The following FCN2 variants were observed in gnomAD, a reference collection of about 807,000 sequenced individuals.
The protein encoded by FCN2 is ficolin 2, also known as ficolin-2.
A neutral mutation model predicts 32.5 loss-of-function variants in FCN2; 31 were observed. The ratio of observed to expected loss-of-function variants is 0.96; its 90% CI spans 0.72 to 1.29. The LOEUF (loss-of-function observed/expected upper bound fraction) is 1.29, where lower values mean the gene tolerates loss of function less well. FCN2 is among the 50% of genes most tolerant of loss of function. The probability of loss-of-function intolerance (pLI) is 0.00; values close to 1 mark genes in which losing one functional copy is unlikely to be tolerated. For synonymous variants in FCN2, 181 were observed against 164.5 expected (o/e 1.10, Z -0.77); for missense variants, 412 against 406.5 (o/e 1.01, Z -0.12).
the FCN2 span, among the ~76,000 whole-genome samples, chr9:134,864,539 C>T: frequency 2.6e-5 from 4 of 152,264 alleles, no homozygotes; most frequent in Admixed American, 2.0e-4. Flanking sequence ...GTAAGAACCA[C>T]GGAGTTCCTT....
chr9:134,870,476 G>A, the FCN2 span, among the ~76,000 whole-genome samples: 5 of 152,100 alleles, frequency 3.3e-5, no homozygotes, highest in African/African-American at 9.7e-5. This position sits in a 1 kb window ranked among gnomAD's most constrained non-coding sequence, Gnocchi z 4.3. Context: ...GTTCAGCTGT[G>A]CCCCTCGGGG....
chr9:134,885,075 C>T (rs1186697418), intron 4 of FCN2, among the ~76,000 whole-genome samples, 164 bp from the exon 5 acceptor site: 1 of 152,222 alleles, frequency 6.6e-6, no homozygotes, highest in Non-Finnish European at 1.5e-5. Flanking sequence ...GCGGCCATCA[C>T]AGCTGCGTGG....
rs1321524532 is a variant in FCN2 at position 134,885,889 on chromosome 9, C to T, written c.551C>T (p.Thr184Ile). The change falls in exon 6 of 8, where the codon ACC (threonine) becomes ATC (isoleucine). Residue 184 changes from threonine (T) to isoleucine (I), a missense_variant. Thr to Ile is a moderately conservative substitution (Grantham distance 89, BLOSUM62 -1). Coordinates refer to ENST00000291744, the MANE Select transcript of FCN2 (RefSeq NM_004108.3). ...GGGAATGACAACATCCACGCCCTGA[C>T]CGCCCAGGGTAGGGCCGCTGCTGGG... Reference protein sequence around the residue: ...WLGNDNIHALTAQGTSELRVD... With the variant: ...WLGNDNIHALIAQGTSELRVD... 1.9e-6 allele frequency: 3 copies of T among 1,612,834 alleles called. No individual in the cohort carries two copies. In the African/African-American group the frequency reaches 4.0e-5, roughly 22 times the overall value.
At chr9:134,878,058 C>G (rs1466761096), upstream of FCN2, among the ~76,000 whole-genome samples, 1 of 152,142 alleles carries the variant, frequency 6.6e-6, no homozygotes, top group Non-Finnish European at 1.5e-5. Context: ...AGCCTCCCAG[C>G]CTACATCTTT....
chr9:134,887,055 A>T, intron 7 of FCN2, 113 bp from the exon 8 acceptor site: 1 of 1,260,906 alleles, frequency 7.9e-7, no homozygotes, highest in Non-Finnish European at 1.2e-6. Context: ...GCAGTGCACA[A>T]CCTGCCTAAC....
intron 3 of FCN2, among the ~76,000 whole-genome samples, chr9:134,884,434 T>G (rs960747335): frequency 6.6e-6 from 1 of 152,156 alleles, no homozygotes; most frequent in Admixed American, 6.5e-5. Context: ...CCTTGGGGCC[T>G]CAGGAGAAGC....
Position 134,883,282 on chromosome 9 carries a change from A to G in FCN2, c.215-20A>G. 6.2e-7 allele frequency: 1 copy of G among 1,605,760 alleles called. No individual in the cohort carries two copies. Among genetic ancestry groups the G allele is most frequent in the Non-Finnish European group, 8.5e-7 (1 of 1,172,564 alleles). The stretch of plus-strand genomic sequence containing the variant: ...TGGGCTGGGCAGTTTTCCTCAAGTC[A>G]GTGTCTTTGGAAATTGCAGGAGAAC... On this transcript the variant is annotated intron_variant, in intron 2 of 7. Transcript: ENST00000291744.
chr9:134,885,277 T>C lies in FCN2; in HGVS notation c.340T>C (p.Phe114Leu). 1.2e-6 allele frequency: 2 copies of C among 1,614,156 alleles called. No individual in the cohort carries two copies. The highest frequency in any genetic ancestry group is 8.5e-7 in the Non-Finnish European group (1 of 1,180,020). Residue 114 changes from phenylalanine (F) to leucine (L), a missense_variant, in exon 5 of 8, where the codon TTC becomes CTC. Physicochemically the swap from Phe to Leu is conservative, Grantham distance 22 (BLOSUM62 0). Coordinates refer to ENST00000291744, the MANE Select transcript of FCN2 (RefSeq NM_004108.3). ...TCKDLLDRGHFLSGWHTIYLP... is the reference protein window; with the variant it reads ...TCKDLLDRGHLLSGWHTIYLP... ...CAAGGACCTGCTAGACCGAGGGCAC[T>C]TCCTGAGCGGCTGGCACACCATCTA...
chr9:134,883,817 T>C (rs1218487140), intron 3 of FCN2, among the ~76,000 whole-genome samples: 7 of 85,532 alleles, frequency 8.2e-5, no homozygotes, highest in Non-Finnish European at 1.3e-4. Flanking sequence ...TTCTGATTAT[T>C]CGGGGAGGGA....
upstream of FCN2, among the ~76,000 whole-genome samples, chr9:134,878,008 A>G (rs1172012232): frequency 1.3e-5 from 2 of 152,138 alleles, no homozygotes; most frequent in Non-Finnish European, 2.9e-5. Flanking sequence ...GTCAGTGAAT[A>G]AAAAGCAGGC....
the FCN2 span, among the ~76,000 whole-genome samples, chr9:134,865,243 A>G: frequency 6.6e-6 from 1 of 152,084 alleles, no homozygotes; most frequent in Non-Finnish European, 1.5e-5. Flanking sequence ...TTCTGGGGGC[A>G]CTCAGGTGAT....
chr9:134,875,721 G>A, the FCN2 span, among the ~76,000 whole-genome samples: 1 of 152,116 alleles, frequency 6.6e-6, no homozygotes, highest in East Asian at 1.9e-4. Flanking sequence ...CAATGACAAG[G>A]GTTTGCAGTC....
chr9:134,884,661 G>T (rs1386531406), intron 3 of FCN2, 79 bp from the exon 4 acceptor site: 1 of 1,408,046 alleles, frequency 7.1e-7, no homozygotes, highest in African/African-American at 1.4e-5. Context: ...CCCAGAAAAT[G>T]GTGTCCGCGG....
intron 7 of FCN2, 21 bp downstream of exon 7, chr9:134,886,585 G>A: frequency 6.2e-7 from 1 of 1,613,176 alleles, no homozygotes; most frequent in Non-Finnish European, 8.5e-7. Flanking sequence ...GCTTGGGGCT[G>A]TGTGGCCTGG....
chr9:134,868,847 C>G, the FCN2 span, among the ~76,000 whole-genome samples: 3 of 152,238 alleles, frequency 2.0e-5, no homozygotes, highest in Admixed American at 2.0e-4. This position sits in a 1 kb window ranked among gnomAD's most constrained non-coding sequence, Gnocchi z 4.3. Context: ...GGATCAGATG[C>G]CCTAGGGCTG....
At chr9:134,871,998 A>G in the FCN2 span, among the ~76,000 whole-genome samples, 2 of 145,676 alleles carry the variant, frequency 1.4e-5, no homozygotes, top group Non-Finnish European at 3.0e-5. Flanking sequence ...CTGTCACTAT[A>G]GCTTATTTTC....
At position 134,885,781 on chromosome 9, in the gene FCN2, G is replaced by A. The variant is rs535621402; in HGVS notation, c.443G>A (p.Arg148Lys). Residue 148 changes from arginine (R) to lysine (K), a missense_variant, in exon 6 of 8, where the codon AGG (arginine) becomes AAG (lysine). Transcript: ENST00000291744. ...GCTTCTCCACAGGTTTTCCAGCGGAGGGTGGATGGCTCTGTGGACTTCTAC... is the reference window on the plus strand; with the variant it reads ...GCTTCTCCACAGGTTTTCCAGCGGAAGGTGGATGGCTCTGTGGACTTCTAC... ...DGGGWTVFQR[R>K]VDGSVDFYRD... The A allele has an allele frequency of 8.7e-6, 14 of 1,614,078 alleles. No individual in the cohort carries two copies. In the South Asian group the frequency reaches 1.5e-4, roughly 18 times the overall value.
At chr9:134,880,961 C>A (rs745605325) in intron 1 of FCN2, 40 bp downstream of exon 1, 1 of 1,468,084 alleles carries the variant, frequency 6.8e-7, no homozygotes, top group Non-Finnish European at 9.5e-7. Flanking sequence ...AACTTCTCGT[C>A]CCTGAAAGCT....
At chr9:134,883,045 A>G (rs1293913550) in intron 2 of FCN2, among the ~76,000 whole-genome samples, 1 of 152,024 alleles carries the variant, frequency 6.6e-6, no homozygotes, top group Non-Finnish European at 1.5e-5. Flanking sequence ...TTGGAAGGAA[A>G]AGAGCCGAGA....
Sources: allele counts gnomAD v4.1 joint callset (sites outside exome capture counted in the v4.1 genomes callset), GRCh38; gene constraint gnomAD v4.1.1; non-coding constraint Gnocchi (gnomAD v3.1); transcripts MANE v1.5; gene names NCBI Gene and HGNC (gene_info 2026-07-23, HGNC 2026-07-21).